The following EMCN variants were observed in gnomAD, a reference collection of about 807,000 sequenced individuals.
EMCN encodes the protein endomucin.
Under a neutral mutation model 38.4 loss-of-function variants are expected in EMCN, and 37 were observed. The ratio of observed to expected loss-of-function variants is 0.96; its 90% CI spans 0.74 to 1.27. The LOEUF is 1.27. Among genes scored for constraint, EMCN ranks in the 50% most tolerant of loss-of-function variants. EMCN has a pLI of 0.00. For missense variants in EMCN, 318 were observed against 302.8 expected (o/e 1.05, Z -0.37); for synonymous variants, 95 against 100.8 (o/e 0.94, Z 0.35).
At chr4:100,400,314 C>T (rs1353920680) in intron 11 of EMCN, among the ~76,000 whole-genome samples, 1 of 151,646 alleles carries the variant, frequency 6.6e-6, no homozygotes, top group African/African-American at 2.4e-5. Context: ...ATGCTATTCC[C>T]TGTGCCTGGA....
intron 5 of EMCN, among the ~76,000 whole-genome samples, chr4:100,445,743 C>A (rs890590867): frequency 2.0e-5 from 3 of 151,986 alleles, no homozygotes; most frequent in African/African-American, 7.2e-5. Flanking sequence ...ATAAAGAATA[C>A]CCTGTTAATA....
At chr4:100,485,846 T>C (rs1578226000) in intron 1 of EMCN, among the ~76,000 whole-genome samples, 1 of 152,240 alleles carries the variant, frequency 6.6e-6, no homozygotes, top group East Asian at 1.9e-4. Context: ...AAAATTATTA[T>C]GTGATGATGC....
chr4:100,470,234 AACAG>A (rs572078348), intron 3 of EMCN, among the ~76,000 whole-genome samples: 194 of 152,202 alleles, frequency 1.3e-3, no homozygotes, highest in African/African-American at 4.5e-3. Flanking sequence ...AAAGGACATG[AACAG>A]ACACTTTTAA....
intron 4 of EMCN, among the ~76,000 whole-genome samples, chr4:100,450,738 C>A (rs186816886): frequency 6.6e-6 from 1 of 151,908 alleles, no homozygotes; most frequent in East Asian, 1.9e-4. Flanking sequence ...TTAATTAAAT[C>A]GCATATGAGA....
At chr4:100,414,134 C>A (rs1338763751) in intron 10 of EMCN, among the ~76,000 whole-genome samples, 2 of 152,116 alleles carry the variant, frequency 1.3e-5, no homozygotes, top group African/African-American at 4.8e-5. Flanking sequence ...ACAAGGAGAG[C>A]CAGGAGCTTC....
At chr4:100,455,409 A>G (rs1290664000) in intron 4 of EMCN, among the ~76,000 whole-genome samples, 2 of 151,776 alleles carry the variant, frequency 1.3e-5, no homozygotes, top group Admixed American at 1.3e-4. Context: ...TGAAATTTCC[A>G]TCTGGTACCA....
At chr4:100,517,046 T>G (rs1294445042) in intron 1 of EMCN, among the ~76,000 whole-genome samples, 2 of 152,098 alleles carry the variant, frequency 1.3e-5, no homozygotes, top group African/African-American at 4.8e-5. Context: ...TTCCTTGCAG[T>G]ACAGGGTAGG....
At chr4:100,414,990 G>A (rs574862939) in intron 10 of EMCN, among the ~76,000 whole-genome samples, 21 of 152,214 alleles carry the variant, frequency 1.4e-4, no homozygotes, top group Admixed American at 2.6e-4. Context: ...CCGCCCCCCG[G>A]GTTCCAGCAT....
At chr4:100,412,965 G>C (rs191797140) in intron 10 of EMCN, among the ~76,000 whole-genome samples, 1 of 152,134 alleles carries the variant, frequency 6.6e-6, no homozygotes, top group Admixed American at 6.5e-5. Flanking sequence ...GCTCATTGAG[G>C]CTTCTAGAAA....
chr4:100,465,386 A>G (rs1408008396), intron 4 of EMCN, 37 bp downstream of exon 4: 1 of 1,207,760 alleles, frequency 8.3e-7, no homozygotes, highest in Non-Finnish European at 1.2e-6. Flanking sequence ...TATGCAACAC[A>G]CTAGTTTAAC....
chr4:100,496,399 C>T (rs1282468321), intron 1 of EMCN, among the ~76,000 whole-genome samples: 1 of 152,148 alleles, frequency 6.6e-6, no homozygotes, highest in African/African-American at 2.4e-5. Flanking sequence ...GCTGTAGCAG[C>T]TGCCTGTGGT....
chr4:100,433,306 A>C lies in EMCN; in HGVS notation c.416-9902T>G, dbSNP rs554681260. On this transcript the variant is annotated intron_variant, in intron 5 of 11. Coordinates refer to ENST00000296420, the MANE Select transcript of EMCN (RefSeq NM_016242.4). ...CAAATGGCAAGTCTCATTATTTTTT[A>C]GGACTAAATAATATTTCACTGAATA... is the stretch of plus-strand genomic sequence containing the variant. Among the ~76,000 whole-genome samples, 129 of 152,294 alleles carry C rather than the reference A, an allele frequency of 8.5e-4. No individual in the cohort carries two copies. The Middle Eastern group carries it at 0.017, about 20-fold the overall frequency.
chr4:100,507,068 AC>A (rs1213925894), intron 1 of EMCN, among the ~76,000 whole-genome samples: 1 of 152,198 alleles, frequency 6.6e-6, no homozygotes, highest in African/African-American at 2.4e-5. Flanking sequence ...TGAAGGGAAT[AC>A]CATAGTTGTT....
At chr4:100,469,241 G>T (rs1728407190) in intron 3 of EMCN, among the ~76,000 whole-genome samples, 1 of 152,012 alleles carries the variant, frequency 6.6e-6, no homozygotes, top group Admixed American at 6.5e-5. Flanking sequence ...ACTCTAAATG[G>T]ATAAAAGACC....
At chr4:100,437,945 G>A (rs1363700274) in intron 5 of EMCN, among the ~76,000 whole-genome samples, 1 of 151,496 alleles carries the variant, frequency 6.6e-6, no homozygotes, top group Non-Finnish European at 1.5e-5. Flanking sequence ...AATGACCTTG[G>A]GATTTTAACA....
intron 4 of EMCN, among the ~76,000 whole-genome samples, chr4:100,451,584 T>C (rs1727841575): frequency 6.6e-6 from 1 of 151,978 alleles, no homozygotes; most frequent in Non-Finnish European, 1.5e-5. Context: ...AATTAGAAGC[T>C]AGTTGTTTTC....
Position 100,424,424 on chromosome 4 carries a change from A to G in EMCN, c.416-1020T>C, listed in dbSNP as rs112467179. ...GCAGTCAAATGTAGCTGACACTAAG[A>G]GGCACTTCTTATGATTATGGCTCCT... On this transcript the variant is annotated intron_variant, in intron 5 of 11. Transcript: ENST00000296420. Among the ~76,000 whole-genome samples, 699 of 152,134 alleles carry G rather than the reference A, an allele frequency of 4.6e-3. 7 individuals carry two copies. The highest frequency in any genetic ancestry group is 0.016 in the African/African-American group (666 of 41,520).
At chr4:100,437,460 T>A (rs981443575) in intron 5 of EMCN, among the ~76,000 whole-genome samples, 73 of 150,376 alleles carry the variant, frequency 4.9e-4, no homozygotes, top group Non-Finnish European at 8.0e-4. Context: ...TGGTCTGATA[T>A]AAAAAAAAAA....
intron 8 of EMCN, among the ~76,000 whole-genome samples, chr4:100,417,539 T>C (rs998323331): frequency 1.3e-5 from 2 of 152,214 alleles, no homozygotes; most frequent in Admixed American, 6.5e-5. Flanking sequence ...GTTTTGACTT[T>C]CCTTTATACA....
Sources: gnomAD v4.1 joint callset for allele counts (sites outside exome capture counted in the v4.1 genomes callset) on GRCh38, gnomAD v4.1.1 for gene constraint, MANE v1.5 for transcripts, NCBI Gene and HGNC (gene_info 2026-07-23, HGNC 2026-07-21) for gene names.